The following NDRG4 variants were observed in gnomAD, a reference collection of about 807,000 sequenced individuals.
The protein encoded by NDRG4 is NDRG family member 4.
Under a neutral mutation model 55.8 loss-of-function variants are expected in NDRG4, and 38 were observed. The ratio of observed to expected loss-of-function variants is 0.68; its 90% CI spans 0.53 to 0.89. NDRG4 has a LOEUF of 0.89. Ranked by LOEUF, NDRG4 falls within the 40% of genes least tolerant of loss-of-function variation. The probability of loss-of-function intolerance (pLI) is 0.00; values close to 1 mark genes in which losing one functional copy is unlikely to be tolerated. For missense variants in NDRG4, 455 were observed against 468.6 expected (o/e 0.97, Z 0.27); for synonymous variants, 190 against 182.7 (o/e 1.04, Z -0.32).
At chr16:58,475,235 C>A (rs993103486) in intron 1 of NDRG4, among the ~76,000 whole-genome samples, 2 of 152,152 alleles carry the variant, frequency 1.3e-5, no homozygotes, top group African/African-American at 2.4e-5. Flanking sequence ...AAAAGAAATG[C>A]GAGAATTCGT....
chr16:58,503,985 C>A, intron 2 of NDRG4, 82 bp downstream of exon 2: 1 of 1,541,126 alleles, frequency 6.5e-7, no homozygotes, highest in Non-Finnish European at 8.9e-7. Context: ...CCCCACAGGG[C>A]CCTGTCAGCC....
exon 2 of NDRG4, chr16:58,487,789 T>C: frequency 6.5e-7 from 1 of 1,544,236 alleles, no homozygotes; most frequent in East Asian, 2.5e-5. Context: ...ATGGCCGGGC[T>C]GCAGGAGCTG....
chr16:58,509,876 G>A (rs1373354480), intron 13 of NDRG4, among the ~76,000 whole-genome samples: 1 of 152,178 alleles, frequency 6.6e-6, no homozygotes, highest in Non-Finnish European at 1.5e-5. Context: ...GCTGAAAGCA[G>A]CTGAACCTGG....
intron 5 of NDRG4, among the ~76,000 whole-genome samples, chr16:58,505,676 G>GT (rs1232438530): frequency 1.3e-5 from 1 of 76,192 alleles, no homozygotes; most frequent in African/African-American, 4.9e-5. Flanking sequence ...TGAAAAGGTT[G>GT]TTTTTTTCTT....
At position 58,512,057 on chromosome 16, in the gene NDRG4, A is replaced by G; in HGVS notation, c.*481A>G. 1 of 457,140 alleles carries G rather than the reference A, an allele frequency of 2.2e-6. No homozygotes were observed. The highest frequency in any genetic ancestry group is 4.4e-6 in the Non-Finnish European group (1 of 227,270). The allele number at this position is 457,140 out of a possible 1,614,324, so 28.3% of individuals were successfully genotyped here. A position where few individuals can be genotyped will look rare whatever the true frequency, so the allele number is the denominator to read the frequency against. ...GTTTCTGTCTCATAGCACATGTGAC[A>G]ATCATCTGGACAACAGCCACAAGGG... On this transcript the variant is annotated 3_prime_UTR_variant, in exon 15 of 15. Transcript: ENST00000570248.
At chr16:58,478,731 A>T (rs1597107982) in intron 1 of NDRG4, among the ~76,000 whole-genome samples, 1 of 140,568 alleles carries the variant, frequency 7.1e-6, no homozygotes, top group Non-Finnish European at 1.5e-5. Flanking sequence ...GTAAGCCTAA[A>T]TATTTTTCAA....
chr16:58,500,334 CAGGG>C, intron 1 of NDRG4, 65 bp downstream of exon 1: 1 of 1,520,096 alleles, frequency 6.6e-7, no homozygotes, highest in Non-Finnish European at 8.8e-7. Flanking sequence ...TGACCCACCG[CAGGG>C]AGGAAGTGCC....
chr16:58,465,506 G>T (rs1379379239), intron 1 of NDRG4, among the ~76,000 whole-genome samples: 1 of 149,926 alleles, frequency 6.7e-6, no homozygotes, highest in African/African-American at 2.5e-5. Flanking sequence ...CTTGTTCGGG[G>T]AGAGGTATGG....
Position 58,464,812 on chromosome 16 carries a change from C to T in NDRG4, c.-24+1015C>T. ...TGTCCCCTAAGAAAGGACCCGTGGG[C>T]TTCTGGCAGGACCCGCGCCATGGAC... On this transcript the variant is annotated intron_variant, in intron 1 of 15. Coordinates refer to the NDRG4 transcript ENST00000258187. The surrounding 1 kb of genome is among the most constrained non-coding windows in gnomAD (Gnocchi z 4.8). 1 of 1,263,576 alleles carries T rather than the reference C, an allele frequency of 7.9e-7. No individual in the cohort carries two copies. Among genetic ancestry groups the T allele is most frequent in the Non-Finnish European group, 1.0e-6 (1 of 1,001,136 alleles). 78.3% of individuals were successfully genotyped at this position (1,263,576 alleles called of 1,614,324 possible).
intron 1 of NDRG4, 106 bp from the exon 2 acceptor site, chr16:58,503,692 G>A: frequency 2.6e-6 from 4 of 1,558,042 alleles, no homozygotes; most frequent in Non-Finnish European, 3.5e-6. Flanking sequence ...CCCCAAGTAG[G>A]GGCTCTACCA....
Position 58,507,939 on chromosome 16 carries a change from TATCTGC to T in NDRG4, c.678-7_678-2del, listed in dbSNP as rs773858583. On this transcript the variant is annotated splice_polypyrimidine_tract_variant and splice_region_variant and intron_variant, in intron 9 of 14. Transcript: ENST00000570248. ...CCAGCCAGACAGCCCTTTTCCTCTG[TATCTGC>T]AGCTGCCCCGTGATGCTGGTGGTTG... The T allele has an allele frequency of 6.2e-7, 1 of 1,609,972 alleles. No homozygotes were observed. Among genetic ancestry groups the T allele is most frequent in the Non-Finnish European group, 8.5e-7 (1 of 1,176,944 alleles).
chr16:58,506,682 A>G (rs2038075323), intron 7 of NDRG4, 68 bp downstream of exon 7: 3 of 1,514,764 alleles, frequency 2.0e-6, no homozygotes, highest in Non-Finnish European at 2.7e-6. Context: ...GCTCGGTAGG[A>G]GGCAGGCGGG....
intron 1 of NDRG4, among the ~76,000 whole-genome samples, chr16:58,470,531 A>G (rs1486998806): frequency 6.6e-6 from 1 of 152,238 alleles, no homozygotes; most frequent in Non-Finnish European, 1.5e-5. Context: ...GAGATTTTGT[A>G]GTCATGATTG....
chr16:58,476,289 A>C (rs1319269529), intron 1 of NDRG4, among the ~76,000 whole-genome samples: 1 of 151,916 alleles, frequency 6.6e-6, no homozygotes, highest in African/African-American at 2.4e-5. Flanking sequence ...CTGCAGTAGG[A>C]CTCTTTCACT....
chr16:58,465,494 G>C (rs1597010664), intron 1 of NDRG4, among the ~76,000 whole-genome samples: 1 of 151,170 alleles, frequency 6.6e-6, no homozygotes, highest in Non-Finnish European at 1.5e-5. Flanking sequence ...GTGTGAGAGA[G>C]GCTTGTTCGG....
intron 10 of NDRG4, among the ~76,000 whole-genome samples, chr16:58,508,674 G>A (rs955837416): frequency 1.1e-4 from 16 of 152,210 alleles, no homozygotes; most frequent in African/African-American, 3.9e-4. Flanking sequence ...GGCTTTCCCA[G>A]GCCAGTCCCA....
chr16:58,478,420 G>C (rs2033977250), intron 1 of NDRG4, among the ~76,000 whole-genome samples: 1 of 150,962 alleles, frequency 6.6e-6, no homozygotes, highest in African/African-American at 2.4e-5. Context: ...GGTTATAAAA[G>C]ATGGGCTGAT....
chr16:58,505,206 G>A (rs997021175), intron 5 of NDRG4, among the ~76,000 whole-genome samples: 12 of 152,022 alleles, frequency 7.9e-5, no homozygotes, highest in South Asian at 6.2e-4. Flanking sequence ...AAAATTAGCC[G>A]GGCGTAGTGG....
rs1567355462 is a variant in NDRG4 at position 58,509,159 on chromosome 16, A to G, written c.783A>G (p.Ala261=). The G allele has an allele frequency of 6.2e-7, 1 of 1,614,004 alleles. No individual in the cohort carries two copies. Among genetic ancestry groups the G allele is most frequent in the Non-Finnish European group, 8.5e-7 (1 of 1,180,020 alleles). ...DPTTTTFLKM[A]DSGGLPQVTQ... Reference sequence around the variant, plus strand: ...CCCCACTCTCTCCCTTGCAGATGGCAGACTCTGGAGGGCTGCCCCAGGTCA... The same window carrying G: ...CCCCACTCTCTCCCTTGCAGATGGCGGACTCTGGAGGGCTGCCCCAGGTCA... The change falls in exon 12 of 15, where the codon GCA becomes GCG. Residue 261 remains alanine (A), a synonymous_variant. Coordinates refer to ENST00000570248, the MANE Select transcript of NDRG4 (RefSeq NM_001242835.2).
Sources: allele counts gnomAD v4.1 joint callset (sites outside exome capture counted in the v4.1 genomes callset), GRCh38; gene constraint gnomAD v4.1.1; non-coding constraint Gnocchi (gnomAD v3.1); transcripts MANE v1.5; gene names NCBI Gene and HGNC (gene_info 2026-07-23, HGNC 2026-07-21).